Variants in RUNX2 observed in about 807,000 individuals in gnomAD.
RUNX2 encodes the protein runt-related transcription factor 2.
A neutral mutation model predicts 51.7 loss-of-function variants in RUNX2; 10 were observed. The observed-to-expected ratio is 0.19, with a 90% CI of 0.12 to 0.33. The LOEUF (loss-of-function observed/expected upper bound fraction) is 0.33, where lower values mean the gene tolerates loss of function less well. RUNX2 is among the 10% of genes least tolerant of loss of function. The probability of loss-of-function intolerance (pLI) is 1.00; values close to 1 mark genes in which losing one functional copy is unlikely to be tolerated. For missense variants in RUNX2, 562 were observed against 691.3 expected, an observed-to-expected ratio of 0.81 and a Z score of 2.10; for synonymous variants, 276 against 273.6, an observed-to-expected ratio of 1.01 and a Z score of -0.09.
intron 6 of RUNX2, among the ~76,000 whole-genome samples, chr6:45,511,023 A>G (rs1018791830): frequency 6.6e-6 from 1 of 152,226 alleles, no homozygotes; most frequent in African/African-American, 2.4e-5. Flanking sequence ...TCTTGTGAAC[A>G]GCCTGGTCTA....
intron 6 of RUNX2, among the ~76,000 whole-genome samples, chr6:45,492,989 G>A (rs1800529369): frequency 6.6e-6 from 1 of 152,168 alleles, no homozygotes; most frequent in Admixed American, 6.5e-5. Flanking sequence ...TGTGTAATAA[G>A]CCCTCAACAT....
chr6:45,379,210 G>A (rs991860482), intron 2 of RUNX2, among the ~76,000 whole-genome samples: 2 of 152,154 alleles, frequency 1.3e-5, no homozygotes, highest in African/African-American at 4.8e-5. Context: ...ATATATTTAG[G>A]ATGTGAGAGC....
At chr6:45,426,136 T>C (rs925002443) in intron 3 of RUNX2, among the ~76,000 whole-genome samples, 2 of 152,218 alleles carry the variant, frequency 1.3e-5, no homozygotes, top group African/African-American at 4.8e-5. Flanking sequence ...GATATAAAAT[T>C]TATTTATTTT....
intron 5 of RUNX2, among the ~76,000 whole-genome samples, chr6:45,485,996 C>T (rs750630862): frequency 1.1e-4 from 17 of 151,922 alleles, no homozygotes; most frequent in Non-Finnish European, 2.1e-4. Context: ...ATACTATCTA[C>T]CCATCACCTT....
intron 2 of RUNX2, among the ~76,000 whole-genome samples, chr6:45,330,951 T>C (rs1376442847): frequency 1.3e-5 from 2 of 151,986 alleles, no homozygotes; most frequent in African/African-American, 4.8e-5. Flanking sequence ...CTTCAGGCTT[T>C]AGATTTTTAT....
At chr6:45,372,363 T>C (rs960771883) in intron 2 of RUNX2, among the ~76,000 whole-genome samples, 1 of 152,234 alleles carries the variant, frequency 6.6e-6, no homozygotes, top group African/African-American at 2.4e-5. Flanking sequence ...TGCAAAAGCA[T>C]AGCTTCTTGA....
At chr6:45,435,563 G>A (rs775293837) in intron 4 of RUNX2, among the ~76,000 whole-genome samples, 33 of 152,064 alleles carry the variant, frequency 2.2e-4, no homozygotes, top group Non-Finnish European at 3.8e-4. Context: ...TCACCAGGTT[G>A]GCCAGGCTAG....
intron 2 of RUNX2, among the ~76,000 whole-genome samples, chr6:45,347,150 T>C (rs1003492737): frequency 6.6e-6 from 1 of 152,176 alleles, no homozygotes; most frequent in Non-Finnish European, 1.5e-5. Context: ...ATTATTTACA[T>C]GTATCATATT....
intron 5 of RUNX2, among the ~76,000 whole-genome samples, chr6:45,447,426 C>T (rs1158846111): frequency 3.9e-5 from 6 of 152,162 alleles, no homozygotes; most frequent in Non-Finnish European, 8.8e-5. Context: ...TATTCCTTTT[C>T]TGTTGTTCTA....
intron 2 of RUNX2, among the ~76,000 whole-genome samples, chr6:45,378,388 C>T (rs528316126): frequency 6.6e-6 from 1 of 152,278 alleles, no homozygotes; most frequent in South Asian, 2.1e-4. Context: ...TGAACGGGAT[C>T]TTAATGGGAT....
At position 45,399,362 on chromosome 6, in the gene RUNX2, T is replaced by C. The variant is rs1265725503; in HGVS notation, c.59-23231T>C. ...TTCTTTTCTTTCCTTTTTTTTTTTT[T>C]TTTTTTTTTTTTTTTGAGATGGAGT... On this transcript the variant is annotated intron_variant, in intron 2 of 8. Coordinates refer to ENST00000647337, the MANE Select transcript of RUNX2 (RefSeq NM_001024630.4). Among the ~76,000 whole-genome samples the C allele has an allele frequency of 1.3e-3, 159 of 119,220 alleles. 4 individuals carry two copies. The East Asian group carries it at 0.03, about 23-fold the overall frequency. 78.2% of individuals were successfully genotyped at this position (119,220 alleles called of 152,430 possible).
At chr6:45,332,054 C>G (rs1289431379) in intron 2 of RUNX2, among the ~76,000 whole-genome samples, 2 of 151,884 alleles carry the variant, frequency 1.3e-5, no homozygotes, top group Non-Finnish European at 2.9e-5. Context: ...ATTCACAAAT[C>G]AAAACTCACT....
At chr6:45,423,686 G>A (rs1798301096) in intron 3 of RUNX2, among the ~76,000 whole-genome samples, 1 of 148,626 alleles carries the variant, frequency 6.7e-6, no homozygotes, top group South Asian at 2.1e-4. Flanking sequence ...GGTCTCCAGA[G>A]GAGGGGGTGT....
rs34117694 is a variant in RUNX2, at chr6:45,464,191, T to TA, written c.685+26155dup. On this transcript the variant is annotated intron_variant, in intron 5 of 8. Transcript: ENST00000647337. ...CTGGGCGACAGAGCGAGACTCCGTC[T>TA]AAAAAAAAAAAAAAATGTTTACAAC... Among the ~76,000 whole-genome samples the TA allele has an allele frequency of 6.8e-3, 971 of 143,336 alleles. 9 individuals are homozygous for TA. Among genetic ancestry groups the TA allele is most frequent in the African/African-American group, 0.02 (752 of 38,406 alleles). 94.0% of individuals were successfully genotyped at this position (143,336 alleles called of 152,430 possible).
At chr6:45,390,239 AT>A in intron 2 of RUNX2, among the ~76,000 whole-genome samples, 1 of 142,010 alleles carries the variant, frequency 7.0e-6, no homozygotes, top group East Asian at 2.0e-4. Context: ...ATAACTCAGC[AT>A]TTTGTTTTTT....
intron 6 of RUNX2, among the ~76,000 whole-genome samples, chr6:45,496,273 C>T (rs1457941522): frequency 6.6e-6 from 1 of 151,982 alleles, no homozygotes; most frequent in Non-Finnish European, 1.5e-5. Flanking sequence ...ATTCATCTCG[C>T]TTTTAGGGTG....
At chr6:45,540,479 T>C (rs1466796931) in intron 7 of RUNX2, among the ~76,000 whole-genome samples, 2 of 152,098 alleles carry the variant, frequency 1.3e-5, no homozygotes, top group Non-Finnish European at 2.9e-5. Flanking sequence ...GAGAACCATG[T>C]TGGAGTCTCG....
At chr6:45,329,555 C>T (rs996973768) in intron 2 of RUNX2, among the ~76,000 whole-genome samples, 6 of 151,872 alleles carry the variant, frequency 4.0e-5, no homozygotes, top group Non-Finnish European at 2.9e-5. Flanking sequence ...GTTATAAACA[C>T]ACTGAAACAC....
intron 5 of RUNX2, among the ~76,000 whole-genome samples, chr6:45,450,665 C>T (rs2256819): frequency 0.73 from 111,623 of 152,052 alleles, 41,885 homozygotes; most frequent in East Asian, 0.96. Context: ...GAGATGACAT[C>T]GGAGCACAGA....
Sources: allele counts gnomAD v4.1 joint callset (sites outside exome capture counted in the v4.1 genomes callset), GRCh38; gene constraint gnomAD v4.1.1; transcripts MANE v1.5; gene names NCBI Gene and HGNC (gene_info 2026-07-23, HGNC 2026-07-21).